CUTC: variants seen among roughly 807,000 people sequenced by gnomAD.
CUTC encodes copper homeostasis protein cutC homolog.
A neutral mutation model predicts 36.2 loss-of-function variants in CUTC; 27 were observed. That is an observed-to-expected ratio of 0.75 (90% CI 0.55 to 1.03). CUTC has a LOEUF of 1.03. CUTC is among the 50% of genes least tolerant of loss of function. The pLI, the probability that CUTC is intolerant of heterozygous loss-of-function variation, is 0.00. For synonymous variants in CUTC, 114 were observed against 118.3 expected, an observed-to-expected ratio of 0.96 and a Z score of 0.24; for missense variants, 315 against 343.5, an observed-to-expected ratio of 0.92 and a Z score of 0.66.
chr10:99,747,319 C>G lies in CUTC; in HGVS notation c.502C>G (p.Arg168Gly), dbSNP rs369267471. 1.9e-6 allele frequency: 3 copies of G among 1,614,126 alleles called. No individual in the cohort carries two copies. The South Asian group carries it at 3.3e-5, about 18-fold the overall frequency. Reference protein sequence around the residue: ...LETLLTLGFERVLTSGCDSSA... With the variant: ...LETLLTLGFEGVLTSGCDSSA... ...GACCCTCTTAACCTTGGGATTTGAA[C>G]GCGTGTTGACCAGTGGATGTGACAG... The change falls in exon 6 of 9, where the codon CGC becomes GGC. Residue 168 changes from arginine to glycine, a missense_variant. Physicochemically the swap from Arg to Gly is moderately radical, Grantham distance 125. Coordinates refer to ENST00000370476, the MANE Select transcript of CUTC (RefSeq NM_015960.3).
At position 99,736,324 on chromosome 10, in the gene CUTC, G is replaced by T. The variant is rs1166714449; in HGVS notation, c.133+7G>T. 6.2e-7 allele frequency: 1 copy of T among 1,607,464 alleles called. No individual in the cohort carries two copies. Among genetic ancestry groups the T allele is most frequent in the Admixed American group, 1.7e-5 (1 of 59,996 alleles). On this transcript the variant is annotated splice_region_variant and intron_variant, in intron 2 of 8. Coordinates refer to ENST00000370476, the MANE Select transcript of CUTC (RefSeq NM_015960.3). The stretch of plus-strand genomic sequence containing the variant: ...GTGAATGCAGAAAGAGGAGGTAAGA[G>T]AAATCAGATAGTGAATGACCGTTGG...
chr10:99,739,428 CTA>C (rs1343151343), intron 2 of CUTC, among the ~76,000 whole-genome samples: 4 of 152,154 alleles, frequency 2.6e-5, no homozygotes, highest in African/African-American at 9.6e-5. Flanking sequence ...CATCTTTATT[CTA>C]TGTTACTTTC....
intron 8 of CUTC, among the ~76,000 whole-genome samples, chr10:99,754,837 G>A (rs1371931085): frequency 6.6e-6 from 1 of 152,200 alleles, no homozygotes; most frequent in Non-Finnish European, 1.5e-5. Context: ...TTGAACATAG[G>A]TGAACCTTGC....
rs1347927170 is a variant in CUTC, at chr10:99,755,748, C to G, written c.*9C>G. Reference sequence around the variant, plus strand: ...AGAACATCCTGGTGTAGCCAGACCTCTCTGAGAGACATGGATATCACAGGA... The same window carrying G: ...AGAACATCCTGGTGTAGCCAGACCTGTCTGAGAGACATGGATATCACAGGA... On this transcript the variant is annotated 3_prime_UTR_variant, in exon 9 of 9. Coordinates refer to ENST00000370476, the MANE Select transcript of CUTC (RefSeq NM_015960.3). 1 of 1,526,812 alleles carries G rather than the reference C, an allele frequency of 6.5e-7. No homozygotes were observed. Among genetic ancestry groups the G allele is most frequent in the Non-Finnish European group, 9.1e-7 (1 of 1,101,902 alleles). 94.6% of individuals were successfully genotyped at this position (1,526,812 alleles called of 1,614,324 possible).
At chr10:99,739,800 T>C (rs368135222) in intron 3 of CUTC, 31 bp downstream of exon 3, 3 of 1,592,292 alleles carry the variant, frequency 1.9e-6, no homozygotes, top group Admixed American at 3.5e-5. Context: ...GGTTTTCTGA[T>C]TGGAGTTCAT....
intron 3 of CUTC, among the ~76,000 whole-genome samples, chr10:99,742,207 T>A (rs563782625): frequency 8.1e-4 from 123 of 152,070 alleles, no homozygotes; most frequent in African/African-American, 1.8e-3. Context: ...TGTCTGTTTT[T>A]TTATTATTAT....
chr10:99,735,173 T>C (rs1278617698), intron 1 of CUTC, among the ~76,000 whole-genome samples: 1 of 150,324 alleles, frequency 6.7e-6, no homozygotes, highest in East Asian at 2.0e-4. Flanking sequence ...GATATTTATC[T>C]GCATAAATAA....
chr10:99,739,840 C>T (rs750661470), intron 3 of CUTC, 71 bp downstream of exon 3: 9 of 1,227,940 alleles, frequency 7.3e-6, no homozygotes, highest in African/African-American at 3.1e-5. Context: ...TAATCAGTTT[C>T]GTTGGGGTCC....
intron 6 of CUTC, among the ~76,000 whole-genome samples, chr10:99,748,040 T>C (rs996104187): frequency 6.6e-6 from 1 of 152,222 alleles, no homozygotes; most frequent in Non-Finnish European, 1.5e-5. Context: ...TTGTAATTAA[T>C]AGTATGTGTA....
intron 1 of CUTC, among the ~76,000 whole-genome samples, chr10:99,735,234 T>C (rs17112202): frequency 0.021 from 3,144 of 151,870 alleles, 105 homozygotes; most frequent in African/African-American, 0.072. Flanking sequence ...TGGGGTTTCA[T>C]AACTCATGAA....
Position 99,747,319 on chromosome 10 carries a change from C to T in CUTC, c.502C>T (p.Arg168Cys), listed in dbSNP as rs369267471. 46 of 1,614,008 alleles carry T rather than the reference C, an allele frequency of 2.9e-5. No homozygotes were observed. The highest frequency in any genetic ancestry group is 6.6e-5 in the South Asian group (6 of 91,084). The change falls in exon 6 of 9, where the codon CGC (arginine) becomes TGC (cysteine). Residue 168 changes from arginine to cysteine, a missense_variant. By Grantham distance (180) the Arg-to-Cys change is radical. Coordinates refer to ENST00000370476, the MANE Select transcript of CUTC (RefSeq NM_015960.3). ...GACCCTCTTAACCTTGGGATTTGAA[C>T]GCGTGTTGACCAGTGGATGTGACAG... Reference protein sequence around the residue: ...LETLLTLGFERVLTSGCDSSA... With the variant: ...LETLLTLGFECVLTSGCDSSA...
chr10:99,736,323 A>AC lies in CUTC; in HGVS notation c.133+6_133+7insC, dbSNP rs1406152942. The AC allele has an allele frequency of 6.2e-7, 1 of 1,608,936 alleles. No individual in the cohort carries two copies. Among genetic ancestry groups the AC allele is most frequent in the Admixed American group, 1.7e-5 (1 of 60,002 alleles). Reference sequence around the variant, plus strand: ...TGTGAATGCAGAAAGAGGAGGTAAGAGAAATCAGATAGTGAATGACCGTTG... The same window carrying AC: ...TGTGAATGCAGAAAGAGGAGGTAAGACGAAATCAGATAGTGAATGACCGTTG... On this transcript the variant is annotated splice_region_variant and intron_variant, in intron 2 of 8. Transcript: ENST00000370476.
chr10:99,752,440 C>A lies in CUTC; in HGVS notation c.601+2044C>A, dbSNP rs918501449. ...TGTCAGATATTTAGGAAGGCTTTGA[C>A]CTATAACAAGCCCTTGAAACATAAG... On this transcript the variant is annotated intron_variant, in intron 7 of 8. Transcript: ENST00000370476. Among the ~76,000 whole-genome samples the A allele has an allele frequency of 9.9e-5, 15 of 151,390 alleles. No individual in the cohort carries two copies. The East Asian group carries it at 1.5e-3, about 16-fold the overall frequency.
chr10:99,740,747 A>G (rs1223409461), intron 3 of CUTC, among the ~76,000 whole-genome samples: 1 of 152,152 alleles, frequency 6.6e-6, no homozygotes, highest in Non-Finnish European at 1.5e-5. Flanking sequence ...AATTGTCCCA[A>G]AAGTCACTGA....
chr10:99,738,038 C>T (rs1175268256), intron 2 of CUTC, among the ~76,000 whole-genome samples: 1 of 151,412 alleles, frequency 6.6e-6, no homozygotes, highest in Non-Finnish European at 1.5e-5. Context: ...CCCAGCTACT[C>T]GGGAAGCTGA....
At chr10:99,751,719 A>T (rs910235035) in intron 7 of CUTC, among the ~76,000 whole-genome samples, 1 of 152,028 alleles carries the variant, frequency 6.6e-6, no homozygotes, top group African/African-American at 2.4e-5. Flanking sequence ...TTAGCCGGCC[A>T]TGGTGGCATG....
intron 5 of CUTC, among the ~76,000 whole-genome samples, chr10:99,744,687 A>G (rs1369511828): frequency 6.6e-6 from 1 of 152,264 alleles, no homozygotes; most frequent in Non-Finnish European, 1.5e-5. Flanking sequence ...TCTGCACCAC[A>G]GTGATTTTTT....
intron 5 of CUTC, among the ~76,000 whole-genome samples, chr10:99,744,944 G>C (rs959117105): frequency 6.6e-6 from 1 of 152,082 alleles, no homozygotes; most frequent in African/African-American, 2.4e-5. Context: ...GTAGAAACAG[G>C]GTTTCACCAT....
chr10:99,735,296 G>GA (rs1287261928), intron 1 of CUTC, among the ~76,000 whole-genome samples: 1 of 152,060 alleles, frequency 6.6e-6, no homozygotes, highest in Non-Finnish European at 1.5e-5. Context: ...TTGGGAGACA[G>GA]AAAAAATCAT....
Sources: allele counts gnomAD v4.1 joint callset (sites outside exome capture counted in the v4.1 genomes callset), GRCh38; gene constraint gnomAD v4.1.1; transcripts MANE v1.5; gene names NCBI Gene and HGNC (gene_info 2026-07-23, HGNC 2026-07-21).